PHKA2: variants seen among roughly 807,000 people sequenced by gnomAD.
PHKA2 encodes phosphorylase kinase regulatory subunit alpha 2, also known as phosphorylase b kinase regulatory subunit alpha, liver isoform.
In PHKA2, 31 loss-of-function variants were observed where a neutral mutation model predicts 102.0. The observed-to-expected ratio is 0.30, with a 90% CI of 0.23 to 0.41. PHKA2 has a LOEUF of 0.41. Among genes scored for constraint, PHKA2 ranks in the 10% least tolerant of loss-of-function variants. The probability of loss-of-function intolerance (pLI) is 1.00; values close to 1 mark genes in which losing one functional copy is unlikely to be tolerated. For missense variants in PHKA2, 858 were observed against 1,023.1 expected, an observed-to-expected ratio of 0.84 and a Z score of 2.20; for synonymous variants, 455 against 416.2, an observed-to-expected ratio of 1.09 and a Z score of -1.13.
intron 1 of PHKA2, among the ~76,000 whole-genome samples, chrX:18,956,634 C>T (rs985791950): frequency 1.8e-5 from 2 of 112,429 alleles, no homozygotes; most frequent in African/African-American, 6.5e-5. Flanking sequence ...ACTGTCTGTC[C>T]CCCTCATTCA....
intron 11 of PHKA2, among the ~76,000 whole-genome samples, chrX:18,933,097 G>C (rs1017094142): frequency 9.2e-6 from 1 of 108,213 alleles, no homozygotes; most frequent in African/African-American, 3.4e-5. Flanking sequence ...CTGGGTGACA[G>C]AGTGAGACTC....
At chrX:18,960,132 T>C (rs1332221604) in intron 1 of PHKA2, among the ~76,000 whole-genome samples, 1 of 111,807 alleles carries the variant, frequency 8.9e-6, no homozygotes, top group Non-Finnish European at 1.9e-5. Context: ...TAGAATGGAT[T>C]GGGCCCAGAG....
At chrX:18,913,176 T>C (rs960072687) in intron 19 of PHKA2, among the ~76,000 whole-genome samples, 4 of 110,958 alleles carry the variant, frequency 3.6e-5, no homozygotes, top group Non-Finnish European at 7.5e-5. Context: ...TGGAAGTTGC[T>C]CTGGGTGACT....
intron 32 of PHKA2, 44 bp downstream of exon 32, chrX:18,894,159 CA>C: frequency 1.8e-6 from 2 of 1,101,621 alleles, no homozygotes; most frequent in South Asian, 3.7e-5. Context: ...TCTCCAGCCT[CA>C]ACAGAGATAA....
chrX:18,979,570 G>A (rs1238099542), intron 1 of PHKA2, among the ~76,000 whole-genome samples: 5 of 111,370 alleles, frequency 4.5e-5, no homozygotes, highest in African/African-American at 1.6e-4. Context: ...TTCTTTTAAA[G>A]GCAACAAATG....
intron 20 of PHKA2, among the ~76,000 whole-genome samples, chrX:18,909,758 C>T (rs2047889295): frequency 8.9e-6 from 1 of 112,428 alleles, no homozygotes; most frequent in African/African-American, 3.2e-5. Context: ...TGTACCCAGA[C>T]AGCTAATCAC....
chrX:18,927,648 T>G (rs548377904), intron 13 of PHKA2, among the ~76,000 whole-genome samples: 1 of 111,949 alleles, frequency 8.9e-6, no homozygotes, highest in African/African-American at 3.2e-5. Flanking sequence ...TAATATCCAT[T>G]ATCTCATCTG....
At chrX:18,953,209 C>T (rs981843179) in intron 2 of PHKA2, among the ~76,000 whole-genome samples, 2 of 112,113 alleles carry the variant, frequency 1.8e-5, no homozygotes, top group Non-Finnish European at 3.8e-5. Context: ...TACTTCAATG[C>T]TACCACTCAA....
At chrX:18,922,668 G>T (rs2048142299) in intron 17 of PHKA2, among the ~76,000 whole-genome samples, 1 of 111,165 alleles carries the variant, frequency 9.0e-6, no homozygotes, top group Non-Finnish European at 1.9e-5. Context: ...TCAAACTCAT[G>T]GAGGCAGAAA....
At chrX:18,926,316 C>T (rs2048208879) in intron 14 of PHKA2, 137 bp downstream of exon 14, 11 of 570,268 alleles carry the variant, frequency 1.9e-5, no homozygotes, top group South Asian at 9.5e-5. Flanking sequence ...CTCTTCACAT[C>T]GAAGCGGTGG....
intron 26 of PHKA2, 69 bp from the exon 27 acceptor site, chrX:18,901,672 CCT>C (rs760890106): frequency 1.6e-4 from 115 of 697,972 alleles, no homozygotes; most frequent in Admixed American, 2.5e-4. Flanking sequence ...AGGATCTGCC[CCT>C]GTCTCCCCCA....
chrX:18,935,747 C>A (rs2048383097), intron 11 of PHKA2, among the ~76,000 whole-genome samples: 2 of 108,281 alleles, frequency 1.8e-5, no homozygotes, highest in Non-Finnish European at 1.9e-5. Context: ...GGACTGCAGG[C>A]ATGTGCCACC....
Position 18,892,887 on chromosome X carries a change from GA to G in PHKA2, c.*597del, listed in dbSNP as rs2047452073. 1 of 115,389 alleles carries G rather than the reference GA, an allele frequency of 8.7e-6. No individual in the cohort carries two copies. The highest frequency in any genetic ancestry group is 1.8e-5 in the Non-Finnish European group (1 of 55,216). The allele number at this position is 115,389 out of a possible 1,213,427, so 9.5% of individuals were successfully genotyped here. ...GAAGAGGAATTTTCTAAATCTTGGG[GA>G]CAGAGAATTATGTTACATCAAGGCA... On this transcript the variant is annotated 3_prime_UTR_variant, in exon 33 of 33. Transcript: ENST00000379942.
chrX:18,948,147 G>T (rs1273657351), intron 5 of PHKA2, among the ~76,000 whole-genome samples: 2 of 111,527 alleles, frequency 1.8e-5, no homozygotes, highest in Non-Finnish European at 3.8e-5. Context: ...ATAACCTATG[G>T]AAATAAAAAA....
At chrX:18,950,155 CA>C (rs1289767376) in intron 4 of PHKA2, among the ~76,000 whole-genome samples, 2 of 111,955 alleles carry the variant, frequency 1.8e-5, no homozygotes, top group Non-Finnish European at 3.8e-5. Context: ...GGGAACAAGG[CA>C]CACCGCCGAC....
intron 30 of PHKA2, chrX:18,895,705 T>A (rs970733703): frequency 8.1e-6 from 1 of 122,800 alleles, no homozygotes; most frequent in African/African-American, 3.2e-5. Flanking sequence ...TGCTTTTTCA[T>A]AATAGAAATA....
intron 1 of PHKA2, among the ~76,000 whole-genome samples, chrX:18,974,330 C>T (rs938508484): frequency 9.0e-6 from 1 of 111,691 alleles, no homozygotes; most frequent in Non-Finnish European, 1.9e-5. Flanking sequence ...TTGAATTCGA[C>T]TTGCCCAATT....
At chrX:18,923,971 A>T in intron 17 of PHKA2, 85 bp downstream of exon 17, 1 of 661,560 alleles carries the variant, frequency 1.5e-6, no homozygotes, top group Non-Finnish European at 2.5e-6. Context: ...TTCAACAATT[A>T]ATATGAAAAA....
chrX:18,901,671 C>T, intron 26 of PHKA2, 68 bp from the exon 27 acceptor site: 1 of 698,674 alleles, frequency 1.4e-6, no homozygotes, highest in Non-Finnish European at 2.3e-6. Flanking sequence ...CAGGATCTGC[C>T]CCTGTCTCCC....
Sources: allele counts gnomAD v4.1 joint callset (sites outside exome capture counted in the v4.1 genomes callset), GRCh38; gene constraint gnomAD v4.1.1; transcripts MANE v1.5; gene names NCBI Gene and HGNC (gene_info 2026-07-23, HGNC 2026-07-21).